The following TASOR variants were observed in gnomAD, a reference collection of about 807,000 sequenced individuals.
The protein encoded by TASOR is protein TASOR.
TASOR carries 53 observed loss-of-function variants against 178.6 expected under a neutral mutation model. The observed-to-expected ratio is 0.30, with a 90% CI of 0.24 to 0.37. The LOEUF is 0.37. TASOR is among the 10% of genes least tolerant of loss of function. The pLI, the probability that TASOR is intolerant of heterozygous loss-of-function variation, is 1.00. For synonymous variants in TASOR, 713 were observed against 696.2 expected, an observed-to-expected ratio of 1.02 and a Z score of -0.38; for missense variants, 1,815 against 1,971.4, an observed-to-expected ratio of 0.92 and a Z score of 1.50.
chr3:56,659,284 G>A (rs1326475113), intron 11 of TASOR, among the ~76,000 whole-genome samples: 4 of 152,110 alleles, frequency 2.6e-5, no homozygotes, highest in Admixed American at 6.6e-5. Flanking sequence ...ATTAAATGGC[G>A]CACCTATGCA....
intron 14 of TASOR, among the ~76,000 whole-genome samples, chr3:56,644,724 T>G (rs773687165): frequency 6.6e-6 from 1 of 151,892 alleles, no homozygotes. Context: ...ACCAAAGAGA[T>G]AAAGAACACA....
At chr3:56,640,724 G>C (rs142256572) in intron 15 of TASOR, among the ~76,000 whole-genome samples, 1 of 152,118 alleles carries the variant, frequency 6.6e-6, no homozygotes, top group Non-Finnish European at 1.5e-5. Context: ...TAAGCCCATA[G>C]GAATACGGTG....
At chr3:56,671,780 A>C in intron 2 of TASOR, 88 bp from the exon 3 acceptor site, 41 of 969,912 alleles carry the variant, frequency 4.2e-5, no homozygotes, top group Non-Finnish European at 5.3e-5. Flanking sequence ...AAGAAATCTC[A>C]CACCTACCAA....
chr3:56,636,293 G>GAA (rs34785628), intron 17 of TASOR, among the ~76,000 whole-genome samples: 37 of 146,088 alleles, frequency 2.5e-4, no homozygotes, highest in Admixed American at 1.4e-3. Context: ...AAAAAAAATA[G>GAA]AAAAAAAAAA....
rs115724603 is a variant in TASOR at position 56,663,649 on chromosome 3, G to C, written c.1023-77C>G. 2.5e-3 allele frequency: 3,000 copies of C among 1,207,770 alleles called. 66 individuals are homozygous for C. The African/African-American group carries it at 0.042, about 17-fold the overall frequency. The allele number at this position is 1,207,770 out of a possible 1,614,324, so 74.8% of individuals were successfully genotyped here. A position where few individuals can be genotyped will look rare whatever the true frequency, so the allele number is the denominator to read the frequency against. ...AAAATTAACATGTAAGATGATATAA[G>C]TGCAATTTTTAATGGCATACTACAG... On this transcript the variant is annotated intron_variant, in intron 7 of 23. Coordinates refer to ENST00000683822, the MANE Select transcript of TASOR (RefSeq NM_001365635.2).
chr3:56,629,524 A>G (rs4681937), intron 18 of TASOR, among the ~76,000 whole-genome samples: 28,177 of 152,138 alleles, frequency 0.19, 3,441 homozygotes, highest in South Asian at 0.41. Context: ...TGGTATTCAC[A>G]TACAAATTAG....
intron 11 of TASOR, among the ~76,000 whole-genome samples, chr3:56,659,822 C>G (rs911223650): frequency 6.6e-6 from 1 of 152,074 alleles, no homozygotes; most frequent in African/African-American, 2.4e-5. Context: ...CCCAACTACT[C>G]TAGTGTTCCT....
intron 17 of TASOR, among the ~76,000 whole-genome samples, chr3:56,634,805 A>G (rs1176464455): frequency 3.9e-5 from 6 of 152,216 alleles, no homozygotes; most frequent in Non-Finnish European, 8.8e-5. Flanking sequence ...AAAAAATCCT[A>G]AATTCAAACA....
intron 14 of TASOR, among the ~76,000 whole-genome samples, chr3:56,645,864 T>C (rs1034011540): frequency 3.9e-5 from 6 of 152,266 alleles, no homozygotes; most frequent in African/African-American, 1.4e-4. Flanking sequence ...AATAAAGGAA[T>C]ATGGCCAGGC....
chr3:56,627,158 A>G lies in TASOR; in HGVS notation c.4031-13T>C. 6.8e-7 allele frequency: 1 copy of G among 1,462,958 alleles called. No individual in the cohort carries two copies. The highest frequency in any genetic ancestry group is 1.4e-5 in the African/African-American group (1 of 70,684). The allele number at this position is 1,462,958 out of a possible 1,614,324, so 90.6% of individuals were successfully genotyped here. On this transcript the variant is annotated splice_polypyrimidine_tract_variant and intron_variant, in intron 20 of 23. Coordinates refer to ENST00000683822, the MANE Select transcript of TASOR (RefSeq NM_001365635.2). Reference sequence around the variant, plus strand: ...TTTTTAAGGTTCTCTGTTAGAGATAATGAAGTTTGTTTTTAATTCAATAAA... The same window carrying G: ...TTTTTAAGGTTCTCTGTTAGAGATAGTGAAGTTTGTTTTTAATTCAATAAA...
chr3:56,679,100 C>T (rs1036487794), intron 1 of TASOR, among the ~76,000 whole-genome samples: 17 of 151,446 alleles, frequency 1.1e-4, no homozygotes, highest in African/African-American at 2.9e-4. Flanking sequence ...TAGAAGATGA[C>T]GAAATAATTA....
Position 56,641,603 on chromosome 3 carries a change from G to C in TASOR, c.2365C>G (p.Leu789Val), listed in dbSNP as rs1407802721. The C allele has an allele frequency of 3.1e-6, 5 of 1,614,152 alleles. No homozygotes were observed. The highest frequency in any genetic ancestry group is 4.2e-6 in the Non-Finnish European group (5 of 1,180,030). The change falls in exon 15 of 24, where the codon CTG becomes GTG. Residue 789 changes from leucine (L) to valine (V), a missense_variant. Around this residue, in one of 5 missense-constraint regions of TASOR, gnomAD observed 655 missense variants for 671.1 expected, o/e 0.98. Transcript: ENST00000683822. ...AAGGCTTTGTTGACTGTGTCTGTCA[G>C]AGATGCATCAGAATGGCGCGCATTT... Reference protein sequence around the residue: ...LANARHSDASLTDTVNKALGL... With the variant: ...LANARHSDASVTDTVNKALGL...
intron 11 of TASOR, among the ~76,000 whole-genome samples, chr3:56,659,326 C>G (rs901071746): frequency 6.6e-6 from 1 of 152,186 alleles, no homozygotes; most frequent in African/African-American, 2.4e-5. Context: ...TTGGAACTTA[C>G]GACCACCATT....
intron 1 of TASOR, 72 bp downstream of exon 1, chr3:56,682,604 G>C (rs1271045664): frequency 2.2e-6 from 3 of 1,333,824 alleles, no homozygotes; most frequent in Admixed American, 2.9e-5. Context: ...TGTGGGAAGA[G>C]GAGATAGAAA....
At position 56,624,554 on chromosome 3, in the gene TASOR, C is replaced by T; in HGVS notation, c.4408G>A (p.Val1470Met). The change falls in exon 23 of 24, where the codon GTG becomes ATG. Residue 1470 changes from valine to methionine, a missense_variant. Val to Met is a conservative substitution (Grantham distance 21, BLOSUM62 1). Around this residue, in one of 5 missense-constraint regions of TASOR, gnomAD observed 278 missense variants for 257.1 expected, o/e 1.08. Coordinates refer to ENST00000683822, the MANE Select transcript of TASOR (RefSeq NM_001365635.2). ...TCTGTGATTGAATTGTGATAGCCCA[C>T]AAGATTTTTAAAGTTTTGCATGAAG... ...EDFMQNFKNL[V>M]GYHNSITEEN... 6.2e-7 allele frequency: 1 copy of T among 1,614,102 alleles called. No homozygotes were observed. The highest frequency in any genetic ancestry group is 1.1e-5 in the South Asian group (1 of 91,082).
chr3:56,673,419 T>C (rs1044345583), intron 2 of TASOR, among the ~76,000 whole-genome samples, 161 bp downstream of exon 2: 2 of 102,674 alleles, frequency 1.9e-5, no homozygotes, highest in Non-Finnish European at 3.6e-5. Context: ...GCAACAACAG[T>C]GAAACTCCGT....
intron 7 of TASOR, among the ~76,000 whole-genome samples, chr3:56,664,961 G>A (rs377403928): frequency 4.6e-5 from 7 of 152,174 alleles, no homozygotes; most frequent in African/African-American, 1.2e-4. Context: ...AACTGCTTGA[G>A]GCCAGGAGTT....
At chr3:56,640,717 G>C (rs2077103586) in intron 15 of TASOR, among the ~76,000 whole-genome samples, 1 of 152,008 alleles carries the variant, frequency 6.6e-6, no homozygotes. Context: ...GAAGAAATAA[G>C]CCCATAGGAA....
Position 56,623,183 on chromosome 3 carries a change from G to A in TASOR, c.4867C>T (p.Pro1623Ser). ...VLTHQTFLGTPYALSSSQSQE... is the reference protein window; with the variant it reads ...VLTHQTFLGTSYALSSSQSQE... Reference sequence around the variant, plus strand: ...GACTGACTTGATGAAAGGGCATATGGTGTCCCCAAAAATGTCTGATGAGTG... The same window carrying A: ...GACTGACTTGATGAAAGGGCATATGATGTCCCCAAAAATGTCTGATGAGTG... The change falls in exon 24 of 24, where the codon CCA becomes TCA. Residue 1623 changes from proline to serine, a missense_variant. Transcript: ENST00000683822. 3.7e-6 allele frequency: 6 copies of A among 1,613,656 alleles called. No individual in the cohort carries two copies. The highest frequency in any genetic ancestry group is 5.1e-6 in the Non-Finnish European group (6 of 1,179,862).
Sources: allele counts gnomAD v4.1 joint callset (sites outside exome capture counted in the v4.1 genomes callset), GRCh38; gene constraint gnomAD v4.1.1; regional missense constraint gnomAD v4.1.1; transcripts MANE v1.5; gene names NCBI Gene and HGNC (gene_info 2026-07-23, HGNC 2026-07-21).